The following TIMM23 variants were observed in gnomAD, a reference collection of about 807,000 sequenced individuals.
The protein encoded by TIMM23 is mitochondrial import inner membrane translocase subunit Tim23.
Under a neutral mutation model 30.7 loss-of-function variants are expected in TIMM23, and 19 were observed. The ratio of observed to expected loss-of-function variants is 0.62; its 90% CI spans 0.43 to 0.91. The LOEUF is 0.91. Among genes scored for constraint, TIMM23 ranks in the 40% least tolerant of loss-of-function variants. The pLI is 0.00. For synonymous variants in TIMM23, 78 were observed against 98.5 expected, an observed-to-expected ratio of 0.79 and a Z score of 1.23; for missense variants, 202 against 269.2, an observed-to-expected ratio of 0.75 and a Z score of 1.75.
At chr10:45,977,281 A>G (rs1486813966) in intron 2 of TIMM23, among the ~76,000 whole-genome samples, 2 of 150,316 alleles carry the variant, frequency 1.3e-5, no homozygotes, top group Non-Finnish European at 3.0e-5. Flanking sequence ...AGAATGGCCA[A>G]TGACCTTGAG....
chr10:45,983,283 A>G (rs1590116475), intron 4 of TIMM23, among the ~76,000 whole-genome samples: 1 of 152,100 alleles, frequency 6.6e-6, no homozygotes, highest in Admixed American at 6.6e-5. Flanking sequence ...TCCATAGGAA[A>G]TGGTAATGAA....
intron 3 of TIMM23, 55 bp downstream of exon 3, chr10:45,982,671 C>G: frequency 1.2e-6 from 2 of 1,602,644 alleles, no homozygotes; most frequent in Admixed American, 1.7e-5. Context: ...GTTGAGGGTG[C>G]GTAAAATCAA....
chr10:45,997,398 T>A (rs1213904270), intron 6 of TIMM23, among the ~76,000 whole-genome samples: 2 of 152,158 alleles, frequency 1.3e-5, no homozygotes, highest in African/African-American at 2.4e-5. Context: ...TGTGAGGTAC[T>A]TAGAATAGTC....
At chr10:45,998,274 C>CA in intron 6 of TIMM23, 1 of 544,966 alleles carries the variant, frequency 1.8e-6, no homozygotes, top group Non-Finnish European at 2.3e-6. Flanking sequence ...TGCCACTAAT[C>CA]AACCCTATAT....
intron 6 of TIMM23, among the ~76,000 whole-genome samples, chr10:45,993,363 C>T (rs1302402159): frequency 1.3e-5 from 2 of 150,772 alleles, no homozygotes; most frequent in Non-Finnish European, 2.9e-5. Context: ...AGCGATTCTC[C>T]TGCCTCATCC....
intron 6 of TIMM23, among the ~76,000 whole-genome samples, chr10:45,991,502 A>G (rs1454313047): frequency 1.3e-5 from 2 of 152,126 alleles, no homozygotes; most frequent in African/African-American, 4.8e-5. Flanking sequence ...CTGTAATCCC[A>G]GCACTTTGGG....
At chr10:45,975,662 G>T (rs1472873940) in intron 2 of TIMM23, 150 bp downstream of exon 2, 12 of 994,228 alleles carry the variant, frequency 1.2e-5, no homozygotes, top group Middle Eastern at 2.4e-4. Context: ...AACACCAGGA[G>T]CTTGGCCTGC....
At position 45,972,729 on chromosome 10, in the gene TIMM23, G is replaced by C. The variant is rs1554912022; in HGVS notation, c.105G>C (p.Pro35=). The change falls in exon 1 of 7, where the codon CCG becomes CCC. Residue 35 remains proline, a splice_region_variant and synonymous_variant. Transcript: ENST00000580018. ...CGCACGCGGATTTGGCTGGCGTCCC[G>C]CGTAAGTATGGGGCCTAGCTTGCGA... ...GYSHADLAGV[P]LTGMNPLSPY... is the part of the protein sequence containing the mutation. The C allele has an allele frequency of 1.2e-6, 2 of 1,613,888 alleles. No homozygotes were observed. Among genetic ancestry groups the C allele is most frequent in the African/African-American group, 2.7e-5 (2 of 75,056 alleles).
At chr10:45,973,443 G>T (rs1248505963) in intron 1 of TIMM23, among the ~76,000 whole-genome samples, 37 of 152,144 alleles carry the variant, frequency 2.4e-4, no homozygotes, top group African/African-American at 8.9e-4. Flanking sequence ...ATAGGCAGTT[G>T]GTCGTGGATA....
At chr10:45,979,465 T>TG (rs1837777932) in intron 2 of TIMM23, among the ~76,000 whole-genome samples, 1 of 145,090 alleles carries the variant, frequency 6.9e-6, no homozygotes, top group African/African-American at 2.6e-5. Context: ...CCTGGCTAAT[T>TG]CTTTTTTTTT....
chr10:45,995,573 T>C (rs1351164033), intron 6 of TIMM23, among the ~76,000 whole-genome samples: 1 of 139,812 alleles, frequency 7.2e-6, no homozygotes, highest in East Asian at 2.0e-4. Flanking sequence ...CCAACAAAAC[T>C]CTTGCTGGCT....
chr10:45,986,793 T>C (rs1554914837), intron 5 of TIMM23, among the ~76,000 whole-genome samples: 85 of 132,194 alleles, frequency 6.4e-4, no homozygotes, highest in African/African-American at 2.4e-3. Context: ...TTTTTTCTTA[T>C]ACTAGAAATA....
intron 2 of TIMM23, among the ~76,000 whole-genome samples, chr10:45,981,218 C>T (rs587614402): frequency 2.4e-4 from 33 of 137,760 alleles, no homozygotes; most frequent in South Asian, 9.8e-4. Flanking sequence ...AGATTACAGG[C>T]GGGAGGCACC....
At chr10:45,986,402 C>G (rs1422347130) in intron 5 of TIMM23, among the ~76,000 whole-genome samples, 1 of 152,074 alleles carries the variant, frequency 6.6e-6, no homozygotes, top group Non-Finnish European at 1.5e-5. Context: ...AAACTATGTT[C>G]CAATAATCAC....
rs1554913649 is a variant in TIMM23 at position 45,979,301 on chromosome 10, TTC to T, written c.166-3212_166-3211del. 2.0e-5 allele frequency among the ~76,000 whole-genome samples: 3 copies of T among 152,290 alleles called. No homozygotes were observed. The South Asian group carries it at 6.2e-4, about 32-fold the overall frequency. Reference sequence around the variant, plus strand: ...TGAGATACAGATCAGTAACTCCATTTTCTCTCTCTCTTTTTTTTCTAAGAGAC... The same window carrying T: ...TGAGATACAGATCAGTAACTCCATTTTCTCTCTCTTTTTTTTCTAAGAGAC... On this transcript the variant is annotated intron_variant, in intron 2 of 6. Coordinates refer to ENST00000580018, the MANE Select transcript of TIMM23 (RefSeq NM_006327.4).
intron 2 of TIMM23, among the ~76,000 whole-genome samples, chr10:45,978,251 G>A (rs1216837526): frequency 6.6e-6 from 1 of 152,128 alleles, no homozygotes; most frequent in Non-Finnish European, 1.5e-5. Flanking sequence ...TACTAGGGAG[G>A]CTGAGGTGGG....
At position 45,998,169 on chromosome 10, in the gene TIMM23, C is replaced by T. The variant is rs1003393807; in HGVS notation, c.515-5034C>T. On this transcript the variant is annotated intron_variant, in intron 6 of 6. Coordinates refer to ENST00000580018, the MANE Select transcript of TIMM23 (RefSeq NM_006327.4). ...GTACCTACATAACAATAGCCTTTGA[C>T]CCTCAAAGCCCAAAATGTTTACTAT... is the stretch of plus-strand genomic sequence containing the variant. Among the ~76,000 whole-genome samples the T allele has an allele frequency of 2.0e-5, 3 of 152,152 alleles. No individual in the cohort carries two copies. The East Asian group carries it at 5.8e-4, about 29-fold the overall frequency.
In TIMM23 at chr10:45,982,901, C is replaced by T. The variant is rs1332803968; in HGVS notation, c.315C>T (p.Asn105=). 5 of 1,613,754 alleles carry T rather than the reference C, an allele frequency of 3.1e-6. No individual in the cohort carries two copies. The highest frequency in any genetic ancestry group is 4.2e-6 in the Non-Finnish European group (5 of 1,179,846). ...GGCTAGGATTGAAGGAAACCCAGAA[C>T]ATGGCCTGGTCCAAACCAAGAAATG... ...GLRLGLKETQ[N]MAWSKPRNVQ... is the part of the protein sequence containing the mutation. The change falls in exon 4 of 7, where the codon AAC becomes AAT. Residue 105 remains asparagine, a synonymous_variant. Transcript: ENST00000580018.
At chr10:45,978,619 A>G (rs1349406271) in intron 2 of TIMM23, among the ~76,000 whole-genome samples, 29 of 152,340 alleles carry the variant, frequency 1.9e-4, no homozygotes, top group Admixed American at 1.1e-3. Flanking sequence ...GGGGATCACT[A>G]TAATCAAAAA....
Sources: allele counts gnomAD v4.1 joint callset (sites outside exome capture counted in the v4.1 genomes callset), GRCh38; gene constraint gnomAD v4.1.1; transcripts MANE v1.5; gene names NCBI Gene and HGNC (gene_info 2026-07-23, HGNC 2026-07-21).